The following PHTF1 variants were observed in gnomAD, a reference collection of about 807,000 sequenced individuals.
The protein encoded by PHTF1 is putative homeodomain transcription factor 1.
A neutral mutation model predicts 102.4 loss-of-function variants in PHTF1; 88 were observed. That is an observed-to-expected ratio of 0.86 (90% confidence interval 0.72 to 1.03). PHTF1 has a LOEUF of 1.03. Among genes scored for constraint, PHTF1 ranks in the 50% least tolerant of loss-of-function variants. PHTF1 has a pLI of 0.00. For missense variants in PHTF1, 814 were observed against 909.5 expected (o/e 0.89, Z 1.35); for synonymous variants, 289 against 305.2 (o/e 0.95, Z 0.55).
At position 113,738,788 on chromosome 1, in the gene PHTF1, GT is replaced by G; in HGVS notation, c.113del (p.Asn38ThrfsTer9). 6.3e-7 allele frequency: 1 copy of G among 1,598,818 alleles called. No homozygotes were observed. Among genetic ancestry groups the G allele is most frequent in the South Asian group, 1.1e-5 (1 of 88,490 alleles). ...IEQTQIKGLK[N>X]KPKKMGHIKP... ...TTATGTGGCCCATCTTTTTCGGTTTGTTTTTCAAACCCTAGGATAAAACAAA... is the reference window on the plus strand; with the variant it reads ...TTATGTGGCCCATCTTTTTCGGTTTGTTTTCAAACCCTAGGATAAAACAAA... On this transcript the variant is annotated frameshift_variant, in exon 4 of 19. Transcript: ENST00000369604. LOFTEE classifies it high-confidence loss of function.
rs1286312148 is a variant in PHTF1, at chr1:113,699,775, T to A, written c.2071A>T (p.Lys691Ter). 7.4e-7 allele frequency: 1 copy of A among 1,354,478 alleles called. No individual in the cohort carries two copies. The highest frequency in any genetic ancestry group is 1.0e-6 in the Non-Finnish European group (1 of 962,986). 83.9% of individuals were successfully genotyped at this position (1,354,478 alleles called of 1,614,324 possible). ...EQINLYLKME[K>*]KPNKKEQLTL... is the part of the protein sequence containing the mutation. ...AGCTGTTCTTTCTTATTTGGCTTTT[T>A]TTCCATCTTAAGATATAAATTAATC... The change falls in exon 17 of 19, where the codon AAA becomes TAA. Residue 691 changes from lysine (K) to a stop codon, truncating the protein, a stop_gained. Coordinates refer to ENST00000369604, the MANE Select transcript of PHTF1 (RefSeq NM_001323043.2). LOFTEE classifies it high-confidence loss of function.
chr1:113,722,681 G>T (rs1288917826), intron 7 of PHTF1, among the ~76,000 whole-genome samples: 2 of 151,670 alleles, frequency 1.3e-5, no homozygotes, highest in Non-Finnish European at 2.9e-5. Context: ...GGAAGGCCAA[G>T]GTGGGCAGAT....
At chr1:113,719,718 T>C (rs1359169609) in intron 7 of PHTF1, among the ~76,000 whole-genome samples, 1 of 152,252 alleles carries the variant, frequency 6.6e-6, no homozygotes, top group Non-Finnish European at 1.5e-5. Context: ...TTCCAACCTC[T>C]GCCTGTTACC....
chr1:113,700,679 T>C, intron 16 of PHTF1, 115 bp downstream of exon 16: 1 of 907,586 alleles, frequency 1.1e-6, no homozygotes. Flanking sequence ...TGTGAGGTCC[T>C]GTAGCTAGAA....
chr1:113,722,248 G>A (rs1016391933), intron 7 of PHTF1, among the ~76,000 whole-genome samples: 5 of 151,788 alleles, frequency 3.3e-5, no homozygotes, highest in East Asian at 2.0e-4. Context: ...TCAGGAGATC[G>A]AGACCATGGT....
chr1:113,726,336 T>C (rs909975894), intron 6 of PHTF1, 82 bp downstream of exon 6: 28 of 1,089,934 alleles, frequency 2.6e-5, no homozygotes, highest in Admixed American at 5.2e-5. Flanking sequence ...AGAGGGAGAT[T>C]TTAAATTAAT....
chr1:113,699,627 G>A, intron 17 of PHTF1, 77 bp downstream of exon 17: 2 of 732,162 alleles, frequency 2.7e-6, no homozygotes, highest in Non-Finnish European at 4.9e-6. Flanking sequence ...GGTATCATCT[G>A]CCATTTAATG....
chr1:113,711,705 C>A (rs1285636759), intron 10 of PHTF1, 41 bp downstream of exon 10: 1 of 1,444,676 alleles, frequency 6.9e-7, no homozygotes, highest in Non-Finnish European at 9.7e-7. Flanking sequence ...AAAGTTATTA[C>A]CCTCAAAAAT....
In PHTF1 at chr1:113,708,725, C is replaced by T. The variant is rs1176570242; in HGVS notation, c.1269+1529G>A. On this transcript the variant is annotated intron_variant, in intron 11 of 18. Coordinates refer to ENST00000369604, the MANE Select transcript of PHTF1 (RefSeq NM_001323043.2). The stretch of plus-strand genomic sequence containing the variant: ...ATACAGGGAATAAAAGAATAGGCTA[C>T]GTGAACAGGATTGGAAAATGATTTA... 4.6e-5 allele frequency among the ~76,000 whole-genome samples: 7 copies of T among 152,130 alleles called. No homozygotes were observed. The South Asian group carries it at 6.2e-4, about 14-fold the overall frequency.
At position 113,758,724 on chromosome 1, in the gene PHTF1, T is replaced by C; in HGVS notation, c.-21A>G. 6.2e-7 allele frequency: 1 copy of C among 1,608,738 alleles called. No individual in the cohort carries two copies. Among genetic ancestry groups the C allele is most frequent in the Non-Finnish European group, 8.5e-7 (1 of 1,177,540 alleles). ...GCCATCTGTGTCTCCAGCCAGAGAA[T>C]GGGATTTCACTGAAAATGAAGGAAA... is the stretch of plus-strand genomic sequence containing the variant. On this transcript the variant is annotated 5_prime_UTR_variant, in exon 2 of 19. Coordinates refer to ENST00000369604, the MANE Select transcript of PHTF1 (RefSeq NM_001323043.2).
At position 113,705,877 on chromosome 1, in the gene PHTF1, T is replaced by C; in HGVS notation, c.1671+13A>G. On this transcript the variant is annotated intron_variant, in intron 13 of 18. Transcript: ENST00000369604. Reference sequence around the variant, plus strand: ...AAAAACAGGTAAAAAATTTTCCTTATTTCTCCACTGACCTGTTTATATGTT... The same window carrying C: ...AAAAACAGGTAAAAAATTTTCCTTACTTCTCCACTGACCTGTTTATATGTT... The C allele has an allele frequency of 6.3e-7, 1 of 1,599,232 alleles. No individual in the cohort carries two copies. The highest frequency in any genetic ancestry group is 8.5e-7 in the Non-Finnish European group (1 of 1,174,660).
intron 3 of PHTF1, among the ~76,000 whole-genome samples, chr1:113,746,588 T>C (rs1297800209): frequency 6.6e-6 from 1 of 152,240 alleles, no homozygotes; most frequent in African/African-American, 2.4e-5. Context: ...TCTAAATTTC[T>C]TGCCTAAATG....
chr1:113,708,131 G>A (rs563958583), intron 11 of PHTF1, among the ~76,000 whole-genome samples: 2 of 152,270 alleles, frequency 1.3e-5, no homozygotes, highest in South Asian at 4.1e-4. Context: ...TAAAGGAAGT[G>A]GCATTATCAG....
chr1:113,701,949 C>T (rs895629369), intron 15 of PHTF1, among the ~76,000 whole-genome samples: 1 of 143,950 alleles, frequency 6.9e-6, no homozygotes, highest in African/African-American at 2.6e-5. Flanking sequence ...AAAATAAATA[C>T]TAAAGGAGTT....
At chr1:113,702,697 G>C (rs1349177238) in intron 15 of PHTF1, among the ~76,000 whole-genome samples, 1 of 152,010 alleles carries the variant, frequency 6.6e-6, no homozygotes, top group Admixed American at 6.6e-5. Context: ...AACCATAAGA[G>C]GAAATGCTGA....
intron 7 of PHTF1, among the ~76,000 whole-genome samples, chr1:113,719,129 T>G (rs2101315466): frequency 6.6e-6 from 1 of 152,180 alleles, no homozygotes; most frequent in South Asian, 2.1e-4. Flanking sequence ...GCCTCCCAGG[T>G]AGCTGGGATT....
intron 3 of PHTF1, chr1:113,746,790 T>C: frequency 1.6e-6 from 1 of 611,708 alleles, no homozygotes; most frequent in Non-Finnish European, 2.0e-6. Context: ...AAATCTTTAT[T>C]TGTACTAAAA....
chr1:113,704,452 A>G (rs1046924550), intron 14 of PHTF1, among the ~76,000 whole-genome samples: 1 of 152,138 alleles, frequency 6.6e-6, no homozygotes, highest in Non-Finnish European at 1.5e-5. Context: ...CCCCTAGGAA[A>G]TTTAGATTTT....
chr1:113,698,277 TAGA>T lies in PHTF1; in HGVS notation c.2250_2252del (p.Leu751del). On this transcript the variant is annotated inframe_deletion, in exon 18 of 19. Coordinates refer to ENST00000369604, the MANE Select transcript of PHTF1 (RefSeq NM_001323043.2). ...TGATACTTACTCTTATATTAAATCC[TAGA>T]AGATCACTTATAACACCTGAGACAG... is the stretch of plus-strand genomic sequence containing the variant. The T allele has an allele frequency of 6.2e-7, 1 of 1,607,536 alleles. No individual in the cohort carries two copies.
Sources: allele counts gnomAD v4.1 joint callset (sites outside exome capture counted in the v4.1 genomes callset), GRCh38; gene constraint gnomAD v4.1.1; transcripts MANE v1.5; gene names NCBI Gene and HGNC (gene_info 2026-07-23, HGNC 2026-07-21).